Variants in PXT1 observed in about 807,000 individuals in gnomAD.
The protein encoded by PXT1 is peroxisomal testis enriched protein 1.
A neutral mutation model predicts 11.0 loss-of-function variants in PXT1; 11 were observed. That is an observed-to-expected ratio of 1.00 (90% CI 0.63 to 1.66). The LOEUF (loss-of-function observed/expected upper bound fraction) is 1.66. PXT1 is among the 40% of genes most tolerant of loss of function. PXT1 has a pLI of 0.00. For missense variants in PXT1, 141 were observed against 155.5 expected (o/e 0.91, Z 0.49); for synonymous variants, 43 against 51.4 (o/e 0.84, Z 0.70).
At chr6:36,426,905 T>G (rs1164733083) in intron 2 of PXT1, among the ~76,000 whole-genome samples, 1 of 152,168 alleles carries the variant, frequency 6.6e-6, no homozygotes, top group East Asian at 1.9e-4. Context: ...ACATTCTGTC[T>G]CTGCAGACAC....
intron 3 of PXT1, among the ~76,000 whole-genome samples, chr6:36,415,868 AGACAG>A: frequency 6.6e-6 from 1 of 152,300 alleles, no homozygotes; most frequent in Non-Finnish European, 1.5e-5. Context: ...CCTTCCTTTG[AGACAG>A]GACAGGAGAT....
chr6:36,404,457 G>A (rs915274735), intron 3 of PXT1, among the ~76,000 whole-genome samples: 1 of 152,108 alleles, frequency 6.6e-6, no homozygotes, highest in Non-Finnish European at 1.5e-5. Context: ...GAGTAGCTGG[G>A]ACCACAGGTG....
intron 2 of PXT1, among the ~76,000 whole-genome samples, chr6:36,436,695 G>A (rs1774768568): frequency 6.6e-6 from 1 of 152,196 alleles, no homozygotes; most frequent in African/African-American, 2.4e-5. Context: ...TTGCCAATAT[G>A]AATTTGGAGC....
At chr6:36,425,890 C>A in intron 3 of PXT1, 24 bp downstream of exon 3, 1 of 1,498,798 alleles carries the variant, frequency 6.7e-7, no homozygotes, top group Non-Finnish European at 8.9e-7. Flanking sequence ...AACTATTTAT[C>A]TTAGTTTAAT....
At chr6:36,437,419 C>T (rs1415485691) in intron 2 of PXT1, among the ~76,000 whole-genome samples, 1 of 152,128 alleles carries the variant, frequency 6.6e-6, no homozygotes, top group African/African-American at 2.4e-5. Flanking sequence ...TTGACTGTCC[C>T]TCTGGATATT....
In PXT1 at chr6:36,401,117, A is replaced by C. The variant is rs1774207176; in HGVS notation, c.170-533T>G. Among the ~76,000 whole-genome samples, 2 of 152,058 alleles carry C rather than the reference A, an allele frequency of 1.3e-5. 1 individual carries two copies. The highest frequency in any genetic ancestry group is 4.1e-4 in the South Asian group (2 of 4,834). On this transcript the variant is annotated intron_variant, in intron 3 of 4. Transcript: ENST00000454782. ...GTTTCAAGTAGTAAAATCAGGTAAA[A>C]TTAATTTTAGTAATTTATTTTACCT...
intron 3 of PXT1, among the ~76,000 whole-genome samples, chr6:36,415,869 G>T (rs935977866): frequency 1.3e-5 from 2 of 152,178 alleles, no homozygotes; most frequent in Non-Finnish European, 2.9e-5. Context: ...CTTCCTTTGA[G>T]ACAGGACAGG....
At chr6:36,431,988 T>C (rs1184580716) in intron 2 of PXT1, among the ~76,000 whole-genome samples, 1 of 152,070 alleles carries the variant, frequency 6.6e-6, no homozygotes, top group East Asian at 1.9e-4. Context: ...GGAGAATCGC[T>C]TGAACCTGGG....
At chr6:36,428,500 G>A (rs1044774803) in intron 2 of PXT1, among the ~76,000 whole-genome samples, 1 of 151,890 alleles carries the variant, frequency 6.6e-6, no homozygotes, top group Non-Finnish European at 1.5e-5. Flanking sequence ...GAAAGAGCTG[G>A]CCGGCTGACA....
chr6:36,398,126 G>A (rs1023309611), intron 4 of PXT1, among the ~76,000 whole-genome samples: 1 of 152,126 alleles, frequency 6.6e-6, no homozygotes, highest in African/African-American at 2.4e-5. Context: ...CATATGAAAA[G>A]ATGCACATTA....
At chr6:36,421,394 G>A (rs940667975) in intron 3 of PXT1, among the ~76,000 whole-genome samples, 1 of 152,144 alleles carries the variant, frequency 6.6e-6, no homozygotes, top group Non-Finnish European at 1.5e-5. Flanking sequence ...CCAGGAGTTC[G>A]AGGCTGCCAT....
chr6:36,439,897 C>G (rs1774830499), intron 1 of PXT1, among the ~76,000 whole-genome samples: 1 of 152,142 alleles, frequency 6.6e-6, no homozygotes, highest in Admixed American at 6.6e-5. Flanking sequence ...CCACAGGATT[C>G]TGAGACCAGC....
intron 3 of PXT1, among the ~76,000 whole-genome samples, chr6:36,401,323 T>C (rs967297902): frequency 6.6e-6 from 1 of 152,306 alleles, no homozygotes; most frequent in East Asian, 1.9e-4. Context: ...TTAGATTTCA[T>C]GAAGTTGACA....
intron 3 of PXT1, among the ~76,000 whole-genome samples, chr6:36,406,824 A>C (rs976298120): frequency 1.8e-4 from 28 of 151,806 alleles, no homozygotes; most frequent in Non-Finnish European, 3.7e-4. Flanking sequence ...AAAAAAAAAA[A>C]AAGACTCAAG....
intron 3 of PXT1, among the ~76,000 whole-genome samples, chr6:36,416,563 C>T (rs1329321807): frequency 6.6e-6 from 1 of 152,214 alleles, no homozygotes; most frequent in Non-Finnish European, 1.5e-5. Flanking sequence ...GTCTCAGTCA[C>T]TTTCTGACTT....
chr6:36,434,183 A>AAAAAG (rs1221350498), intron 2 of PXT1, among the ~76,000 whole-genome samples: 1 of 152,076 alleles, frequency 6.6e-6, no homozygotes, highest in Non-Finnish European at 1.5e-5. Flanking sequence ...AAAGAAAAAG[A>AAAAAG]AAAAGAAAAG....
At position 36,433,939 on chromosome 6, in the gene PXT1, G is replaced by A. The variant is rs565359652; in HGVS notation, c.-10+4828C>T. 4.0e-5 allele frequency among the ~76,000 whole-genome samples: 6 copies of A among 151,826 alleles called. No individual in the cohort carries two copies. In the East Asian group the frequency reaches 1.2e-3, roughly 29 times the overall value. On this transcript the variant is annotated intron_variant, in intron 2 of 4. Transcript: ENST00000454782. ...TACTTTCAAATAGTTCAGCAAAATA[G>A]ATAAATATAAAAATAAAGAAAATAT...
intron 3 of PXT1, among the ~76,000 whole-genome samples, chr6:36,423,023 A>G (rs1399267168): frequency 6.9e-6 from 1 of 144,078 alleles, no homozygotes; most frequent in Non-Finnish European, 1.5e-5. Flanking sequence ...CACGACCCTC[A>G]ACTCTTCTAA....
At chr6:36,415,493 A>G (rs899919061) in intron 3 of PXT1, among the ~76,000 whole-genome samples, 8 of 152,206 alleles carry the variant, frequency 5.3e-5, no homozygotes, top group African/African-American at 1.9e-4. Context: ...AATTGCTGGT[A>G]TAACCCAGGT....
Sources: gnomAD v4.1 joint callset for allele counts (sites outside exome capture counted in the v4.1 genomes callset) on GRCh38, gnomAD v4.1.1 for gene constraint, MANE v1.5 for transcripts, NCBI Gene and HGNC (gene_info 2026-07-23, HGNC 2026-07-21) for gene names.